Variants in UTS2B observed in about 807,000 individuals in gnomAD.
UTS2B encodes urotensin-2B.
In UTS2B, 21 loss-of-function variants were observed where a neutral mutation model predicts 19.2. The observed-to-expected ratio is 1.09, with a 90% CI of 0.78 to 1.58. The LOEUF (loss-of-function observed/expected upper bound fraction) is 1.58, where lower values mean the gene tolerates loss of function less well. Ranked by LOEUF, UTS2B falls within the 40% of genes most tolerant of loss-of-function variation. The probability of loss-of-function intolerance (pLI) is 0.00; values close to 1 mark genes in which losing one functional copy is unlikely to be tolerated. For synonymous variants in UTS2B, 57 were observed against 50.2 expected, an observed-to-expected ratio of 1.14 and a Z score of -0.58; for missense variants, 138 against 130.3, an observed-to-expected ratio of 1.06 and a Z score of -0.29.
intron 2 of UTS2B, among the ~76,000 whole-genome samples, chr3:191,319,104 C>T (rs796719882): frequency 4.0e-5 from 6 of 151,822 alleles, no homozygotes; most frequent in African/African-American, 1.4e-4. Context: ...CTGAATTTTC[C>T]TCTGTATTAG....
At chr3:191,277,209 T>C (rs1716261277) in intron 6 of UTS2B, among the ~76,000 whole-genome samples, 1 of 152,268 alleles carries the variant, frequency 6.6e-6, no homozygotes, top group South Asian at 2.1e-4. Context: ...ATGTATTCTA[T>C]GTATAATTCA....
chr3:191,284,562 T>A (rs997416139), intron 4 of UTS2B, among the ~76,000 whole-genome samples: 2 of 150,650 alleles, frequency 1.3e-5, no homozygotes, highest in Non-Finnish European at 3.0e-5. Context: ...GACCTTATGA[T>A]CCACTCACCT....
chr3:191,335,593 C>T, the UTS2B span, among the ~76,000 whole-genome samples: 2 of 152,164 alleles, frequency 1.3e-5, no homozygotes, highest in East Asian at 3.9e-4. Context: ...ATCATTATTT[C>T]CTTCTGTCAT....
intron 5 of UTS2B, among the ~76,000 whole-genome samples, chr3:191,279,923 T>C (rs1007972938): frequency 1.9e-4 from 29 of 152,152 alleles, no homozygotes; most frequent in Admixed American, 1.6e-3. Flanking sequence ...AGAAAACACA[T>C]ATATTTTTAA....
chr3:191,282,296 G>C lies in UTS2B; in HGVS notation c.-107C>G. ...GAGCTTAGTTGCAAAAGGCAAGTGT[G>C]CCTCAGTTACGAATGATCTAGATGA... On this transcript the variant is annotated 5_prime_UTR_variant, in exon 5 of 9. Coordinates refer to ENST00000340524, the MANE Select transcript of UTS2B (RefSeq NM_198152.5). The C allele has an allele frequency of 1.1e-5, 8 of 723,004 alleles. No homozygotes were observed. In the South Asian group the frequency reaches 1.2e-4, roughly 11 times the overall value. The allele number at this position is 723,004 out of a possible 1,614,324, so 44.8% of individuals were successfully genotyped here.
At chr3:191,338,615 T>A in the UTS2B span, among the ~76,000 whole-genome samples, 14,117 of 152,268 alleles carry the variant, frequency 0.093, 716 homozygotes, top group East Asian at 0.25. Context: ...CATTCTCTGG[T>A]CAGACTTCAT....
intron 8 of UTS2B, among the ~76,000 whole-genome samples, chr3:191,274,173 T>C (rs1209469652): frequency 6.6e-6 from 1 of 152,158 alleles, no homozygotes; most frequent in Non-Finnish European, 1.5e-5. Context: ...CCTTCACCCT[T>C]ACTGGCTAAG....
At chr3:191,329,656 A>T in intron 1 of UTS2B, 1 of 1,605,692 alleles carries the variant, frequency 6.2e-7, no homozygotes, top group Non-Finnish European at 8.5e-7. Flanking sequence ...TAAAGGGGCA[A>T]CCGGGACCCT....
Position 191,330,488 on chromosome 3 carries a change from CT to C in UTS2B, c.-740del, listed in dbSNP as rs906179868. ...TTCCACTAGCTGCCTCAGGACCTAG[CT>C]TTTTTTTGCTGAGATCTTAGGTGCT... is the stretch of plus-strand genomic sequence containing the variant. On this transcript the variant is annotated 5_prime_UTR_variant, in exon 1 of 9. Coordinates refer to ENST00000340524, the MANE Select transcript of UTS2B (RefSeq NM_198152.5). 8 of 152,008 alleles carry C rather than the reference CT, an allele frequency of 5.3e-5. No homozygotes were observed. Among genetic ancestry groups the C allele is most frequent in the Non-Finnish European group, 1.2e-4 (8 of 68,056 alleles). The allele number at this position is 152,008 out of a possible 1,614,324, so 9.4% of individuals were successfully genotyped here.
intron 4 of UTS2B, among the ~76,000 whole-genome samples, chr3:191,284,641 C>A (rs1432682418): frequency 6.6e-6 from 1 of 150,858 alleles, no homozygotes; most frequent in Non-Finnish European, 1.5e-5. Context: ...ATAATCAGGG[C>A]CAGGCACAGT....
intron 4 of UTS2B, among the ~76,000 whole-genome samples, chr3:191,299,783 C>T (rs1034439902): frequency 3.9e-5 from 6 of 152,230 alleles, no homozygotes; most frequent in Non-Finnish European, 5.9e-5. Flanking sequence ...CAACTTGTGC[C>T]CTGCACCTGG....
chr3:191,329,612 C>G lies in UTS2B; in HGVS notation c.-665+802G>C, dbSNP rs377067940. 3,561 of 1,553,974 alleles carry G rather than the reference C, an allele frequency of 2.3e-3. 53 individuals carry two copies. The East Asian group carries it at 0.043, about 19-fold the overall frequency. On this transcript the variant is annotated intron_variant, in intron 1 of 8. Transcript: ENST00000340524. ...GGCGCTGCTGCTGCGCTCGGGGCCC[C>G]GCTCGGCGCCGGCGGTGACCGGGAA...
At chr3:191,269,924 T>C (rs1342228885) in intron 8 of UTS2B, among the ~76,000 whole-genome samples, 1 of 152,258 alleles carries the variant, frequency 6.6e-6, no homozygotes. Context: ...ACACCATTCA[T>C]CATTTACATA....
chr3:191,314,028 G>A (rs1226955095), intron 3 of UTS2B, among the ~76,000 whole-genome samples: 1 of 152,066 alleles, frequency 6.6e-6, no homozygotes, highest in Non-Finnish European at 1.5e-5. Flanking sequence ...ACCGCACCAG[G>A]CCCCTCCACT....
At chr3:191,273,193 T>A (rs1716138285) in intron 8 of UTS2B, among the ~76,000 whole-genome samples, 2 of 152,180 alleles carry the variant, frequency 1.3e-5, no homozygotes, top group Non-Finnish European at 2.9e-5. Flanking sequence ...CCACATTATA[T>A]CTGATGAAGA....
chr3:191,286,004 T>C (rs368882916), intron 4 of UTS2B, among the ~76,000 whole-genome samples: 5 of 152,138 alleles, frequency 3.3e-5, no homozygotes, highest in African/African-American at 1.2e-4. Context: ...AAAATAGACT[T>C]CAAGACAAAA....
At chr3:191,290,727 C>A (rs755719159) in intron 4 of UTS2B, among the ~76,000 whole-genome samples, 9 of 152,150 alleles carry the variant, frequency 5.9e-5, no homozygotes, top group South Asian at 2.1e-4. Flanking sequence ...ATGGCATTTC[C>A]ATTTTGTCAA....
At chr3:191,293,383 T>C (rs1019288991) in intron 4 of UTS2B, among the ~76,000 whole-genome samples, 1 of 152,242 alleles carries the variant, frequency 6.6e-6, no homozygotes, top group Non-Finnish European at 1.5e-5. Flanking sequence ...GTTGTTTTAT[T>C]GTGGGAAGTT....
At position 191,274,818 on chromosome 3, in the gene UTS2B, C is replaced by A. The variant is rs1311530923; in HGVS notation, c.334+434G>T. On this transcript the variant is annotated intron_variant, in intron 8 of 8. Coordinates refer to ENST00000340524, the MANE Select transcript of UTS2B (RefSeq NM_198152.5). ...AGGAAAAATTATCCAAAAGCATAAT[C>A]CAAAAAAGTAATCTTTCTAAAATTA... is the stretch of plus-strand genomic sequence containing the variant. Among the ~76,000 whole-genome samples the A allele has an allele frequency of 3.3e-5, 5 of 152,004 alleles. No homozygotes were observed. In the East Asian group the frequency reaches 9.6e-4, roughly 29 times the overall value.
Sources: allele counts gnomAD v4.1 joint callset (sites outside exome capture counted in the v4.1 genomes callset), GRCh38; gene constraint gnomAD v4.1.1; transcripts MANE v1.5; gene names NCBI Gene and HGNC (gene_info 2026-07-23, HGNC 2026-07-21).